The following TIMM23 variants were observed in gnomAD, a reference collection of about 807,000 sequenced individuals.
TIMM23 encodes the protein translocase of inner mitochondrial membrane 23.
A neutral mutation model predicts 30.7 loss-of-function variants in TIMM23; 19 were observed. That is an observed-to-expected ratio of 0.62 (90% CI 0.43 to 0.91). The LOEUF (loss-of-function observed/expected upper bound fraction) is 0.91. Among genes scored for constraint, TIMM23 ranks in the 40% least tolerant of loss-of-function variants. The pLI is 0.00. For synonymous variants in TIMM23, 78 were observed against 98.5 expected (o/e 0.79, Z 1.23); for missense variants, 202 against 269.2 (o/e 0.75, Z 1.75).
intron 5 of TIMM23, among the ~76,000 whole-genome samples, chr10:45,987,325 A>G (rs1401079577): frequency 1.3e-5 from 2 of 152,032 alleles, no homozygotes; most frequent in Non-Finnish European, 2.9e-5. Context: ...ATTTCCCCAC[A>G]TACCAAGTAA....
chr10:45,981,823 T>C (rs1188408771), intron 2 of TIMM23, among the ~76,000 whole-genome samples: 1 of 152,114 alleles, frequency 6.6e-6, no homozygotes, highest in Non-Finnish European at 1.5e-5. Flanking sequence ...GGTGATAAAA[T>C]TTTGTTTGTT....
At chr10:45,983,947 T>C (rs1355447392) in intron 4 of TIMM23, among the ~76,000 whole-genome samples, 2 of 152,192 alleles carry the variant, frequency 1.3e-5, no homozygotes, top group Non-Finnish European at 2.9e-5. Flanking sequence ...TCTCACTGTA[T>C]TGCTCAGGCT....
chr10:45,979,778 A>G (rs1837790508), intron 2 of TIMM23, among the ~76,000 whole-genome samples: 1 of 151,938 alleles, frequency 6.6e-6, no homozygotes, highest in South Asian at 2.1e-4. Context: ...ATTATTTTTG[A>G]AATGTTTTTC....
intron 6 of TIMM23, among the ~76,000 whole-genome samples, chr10:46,001,130 A>C (rs1838519863): frequency 6.6e-6 from 1 of 152,184 alleles, no homozygotes; most frequent in Non-Finnish European, 1.5e-5. Context: ...CTAGGCAGAG[A>C]CATGAGGTCG....
intron 1 of TIMM23, among the ~76,000 whole-genome samples, chr10:45,974,591 C>T (rs1837608797): frequency 6.6e-6 from 1 of 152,082 alleles, no homozygotes; most frequent in Non-Finnish European, 1.5e-5. Context: ...TAAGGAGTTT[C>T]GATTTTCTTA....
chr10:45,987,789 T>A (rs79054160), intron 5 of TIMM23, among the ~76,000 whole-genome samples: 1 of 151,876 alleles, frequency 6.6e-6, no homozygotes, highest in Non-Finnish European at 1.5e-5. Context: ...TAATTTTTTT[T>A]TAAATTTTTT....
chr10:45,975,790 G>A (rs1431664800), intron 2 of TIMM23, among the ~76,000 whole-genome samples: 1 of 151,956 alleles, frequency 6.6e-6, no homozygotes, highest in African/African-American at 2.4e-5. Context: ...AGTGTGTGGG[G>A]TTTTTTGTTT....
At chr10:46,000,511 C>T (rs1838495969) in intron 6 of TIMM23, among the ~76,000 whole-genome samples, 1 of 152,208 alleles carries the variant, frequency 6.6e-6, no homozygotes, top group Non-Finnish European at 1.5e-5. Flanking sequence ...TGAGCCACCA[C>T]GTCCAGCCCC....
intron 6 of TIMM23, among the ~76,000 whole-genome samples, chr10:45,995,874 C>T (rs1450484417): frequency 7.2e-6 from 1 of 138,424 alleles, no homozygotes; most frequent in African/African-American, 2.8e-5. Context: ...TTAGATTTTA[C>T]AATCCTTTTA....
intron 6 of TIMM23, among the ~76,000 whole-genome samples, chr10:45,996,093 G>A (rs1838321030): frequency 6.8e-6 from 1 of 147,916 alleles, no homozygotes; most frequent in African/African-American, 2.6e-5. Flanking sequence ...CTGGCACAGT[G>A]GCTCACGTCT....
At chr10:45,989,702 G>C (rs1322211948) in intron 6 of TIMM23, among the ~76,000 whole-genome samples, 1 of 152,126 alleles carries the variant, frequency 6.6e-6, no homozygotes, top group Non-Finnish European at 1.5e-5. Flanking sequence ...ACACACACAA[G>C]GTCAAAGCCC....
At chr10:45,999,448 C>T (rs1221327066) in intron 6 of TIMM23, among the ~76,000 whole-genome samples, 3 of 152,106 alleles carry the variant, frequency 2.0e-5, no homozygotes, top group East Asian at 3.9e-4. Flanking sequence ...TAAAGCTGGG[C>T]ATCCGGGGGA....
rs1465058635 is a variant in TIMM23, at chr10:45,982,202, T to C, written c.166-321T>C. ...TTGTTTCTTCCAGACTGATTGTCTG[T>C]TCTGTTCTTCTCATAGCTTTCAGTG... On this transcript the variant is annotated intron_variant, in intron 2 of 6. Transcript: ENST00000580018. Among the ~76,000 whole-genome samples, 204 of 152,380 alleles carry C rather than the reference T, an allele frequency of 1.3e-3. 1 individual carries two copies. The highest frequency in any genetic ancestry group is 3.5e-3 in the Admixed American group (54 of 15,308).
Position 45,972,690 on chromosome 10 carries a change from C to T in TIMM23, c.66C>T (p.Gly22=), listed in dbSNP as rs782653346. Residue 22 remains glycine, a synonymous_variant, in exon 1 of 7, where the codon GGC becomes GGT. Coordinates refer to ENST00000580018, the MANE Select transcript of TIMM23 (RefSeq NM_006327.4). ...TGGLAGFFGA[G]GAGYSHADLA... ...GATTGGCCGGCTTTTTCGGAGCCGG[C>T]GGAGCAGGTTACTCGCACGCGGATT... 6.2e-7 allele frequency: 1 copy of T among 1,613,852 alleles called. No homozygotes were observed.
chr10:46,002,136 G>A (rs28410532), intron 6 of TIMM23, among the ~76,000 whole-genome samples: 1 of 152,024 alleles, frequency 6.6e-6, no homozygotes, highest in East Asian at 1.9e-4. Flanking sequence ...TGCATGAAGT[G>A]GGGGGTGGTC....
chr10:46,001,595 T>A (rs2132288486), intron 6 of TIMM23, among the ~76,000 whole-genome samples: 1 of 152,226 alleles, frequency 6.6e-6, no homozygotes, highest in Admixed American at 6.5e-5. Context: ...TCACTGAATG[T>A]CACAGAATTG....
chr10:45,976,249 C>T (rs1390062492), intron 2 of TIMM23, among the ~76,000 whole-genome samples: 3 of 151,150 alleles, frequency 2.0e-5, no homozygotes, highest in Non-Finnish European at 4.4e-5. Context: ...AGTACAAAGA[C>T]CACATGCTTA....
intron 6 of TIMM23, among the ~76,000 whole-genome samples, chr10:46,000,767 T>C (rs782742083): frequency 5.3e-5 from 8 of 152,202 alleles, no homozygotes; most frequent in South Asian, 2.1e-4. Context: ...TATTGACTTA[T>C]AGGTTCAGGG....
intron 6 of TIMM23, among the ~76,000 whole-genome samples, chr10:45,990,442 G>C (rs1211095865): frequency 1.3e-5 from 2 of 149,114 alleles, no homozygotes; most frequent in Non-Finnish European, 3.0e-5. Context: ...TTTTTTTTAA[G>C]ACAGAGTCTC....
Sources: gnomAD v4.1 joint callset for allele counts (sites outside exome capture counted in the v4.1 genomes callset) on GRCh38, gnomAD v4.1.1 for gene constraint, MANE v1.5 for transcripts, NCBI Gene and HGNC (gene_info 2026-07-23, HGNC 2026-07-21) for gene names.